Variants in STXBP4 observed in about 807,000 individuals in gnomAD.
STXBP4 encodes syntaxin binding protein 4.
STXBP4 carries 55 observed loss-of-function variants against 76.1 expected under a neutral mutation model. The observed-to-expected ratio is 0.72, with a 90% CI of 0.58 to 0.91. The LOEUF (loss-of-function observed/expected upper bound fraction) is 0.91. STXBP4 is among the 40% of genes least tolerant of loss of function. STXBP4 has a pLI of 0.00. For synonymous variants in STXBP4, 201 were observed against 220.2 expected (o/e 0.91, Z 0.77); for missense variants, 618 against 636.9 (o/e 0.97, Z 0.32).
At chr17:55,069,149 T>C (rs939625099) in intron 12 of STXBP4, among the ~76,000 whole-genome samples, 51 of 145,230 alleles carry the variant, frequency 3.5e-4, no homozygotes, top group Admixed American at 1.0e-3. Flanking sequence ...TTCCTCAGTG[T>C]TGCCAAAAAA....
intron 17 of STXBP4, among the ~76,000 whole-genome samples, chr17:55,144,005 G>GCA (rs61300425): frequency 0.13 from 17,569 of 138,532 alleles, 1,097 homozygotes; most frequent in South Asian, 0.17. Flanking sequence ...AAAGCCACCT[G>GCA]CACACACACA....
chr17:55,081,265 T>C (rs965288804), intron 16 of STXBP4, 82 bp downstream of exon 16: 13 of 1,182,812 alleles, frequency 1.1e-5, no homozygotes, highest in Non-Finnish European at 1.3e-5. Flanking sequence ...AATTTCGTTA[T>C]AGTGGCTTGC....
intron 12 of STXBP4, among the ~76,000 whole-genome samples, chr17:55,057,137 T>TA (rs2078935253): frequency 6.6e-6 from 1 of 152,216 alleles, no homozygotes; most frequent in Admixed American, 6.5e-5. Context: ...CATGCACTGA[T>TA]ATTAGTGAGA....
At chr17:55,036,624 T>C (rs2078608929) in intron 10 of STXBP4, among the ~76,000 whole-genome samples, 1 of 151,904 alleles carries the variant, frequency 6.6e-6, no homozygotes, top group South Asian at 2.1e-4. Flanking sequence ...TATATATTTC[T>C]TTATTTTTGT....
intron 12 of STXBP4, among the ~76,000 whole-genome samples, chr17:55,060,286 G>A (rs1052597314): frequency 1.3e-5 from 2 of 152,044 alleles, no homozygotes; most frequent in Non-Finnish European, 2.9e-5. Context: ...GTTAATGAAA[G>A]AGTTCCTATG....
chr17:55,032,923 C>T (rs2078534574), intron 9 of STXBP4, among the ~76,000 whole-genome samples: 1 of 152,114 alleles, frequency 6.6e-6, no homozygotes, highest in South Asian at 2.1e-4. Flanking sequence ...AATTTCCAAC[C>T]AACTTTTTTA....
intron 16 of STXBP4, among the ~76,000 whole-genome samples, chr17:55,125,848 G>T (rs1296194577): frequency 6.6e-6 from 1 of 152,168 alleles, no homozygotes; most frequent in Non-Finnish European, 1.5e-5. Context: ...TATAGAACTA[G>T]CATATGAAGT....
At chr17:55,071,244 T>C (rs1305156293) in intron 12 of STXBP4, among the ~76,000 whole-genome samples, 1 of 152,092 alleles carries the variant, frequency 6.6e-6, no homozygotes, top group Admixed American at 6.6e-5. Context: ...TTACCCTGAG[T>C]AAAACCAAAG....
chr17:55,002,364 G>A (rs1243514303), intron 7 of STXBP4, among the ~76,000 whole-genome samples: 2 of 152,002 alleles, frequency 1.3e-5, no homozygotes, highest in East Asian at 3.9e-4. Context: ...ACAGTACAAC[G>A]GGAATTATGA....
At chr17:55,062,548 CAT>C (rs150486222) in intron 12 of STXBP4, among the ~76,000 whole-genome samples, 1,847 of 152,178 alleles carry the variant, frequency 0.012, 33 homozygotes, top group African/African-American at 0.042. Flanking sequence ...CTACAATAAA[CAT>C]ATGTGTGCAT....
At chr17:55,205,533 G>T in the STXBP4 span, among the ~76,000 whole-genome samples, 1 of 150,396 alleles carries the variant, frequency 6.6e-6, no homozygotes. Context: ...GACATAAACA[G>T]CAGACAAATG....
rs370602711 is a variant in STXBP4, at chr17:55,015,165, G to A, written c.666+7568G>A. 7.3e-4 allele frequency among the ~76,000 whole-genome samples: 111 copies of A among 152,224 alleles called. No individual in the cohort carries two copies. The East Asian group carries it at 0.018, about 24-fold the overall frequency. On this transcript the variant is annotated intron_variant, in intron 8 of 17. Transcript: ENST00000376352. ...CCTCCCTTAGTCTCTCCAGAAAGGC[G>A]GTAGGATTTTCTTCCTTTCCCTGTG...
chr17:55,101,796 A>AT (rs2079569525), intron 16 of STXBP4, among the ~76,000 whole-genome samples: 1 of 152,122 alleles, frequency 6.6e-6, no homozygotes, highest in Admixed American at 6.5e-5. Context: ...TGATTACTTC[A>AT]TAGTTCTCTT....
intron 1 of STXBP4, among the ~76,000 whole-genome samples, chr17:54,971,582 A>G (rs113414916): frequency 6.6e-6 from 1 of 152,306 alleles, no homozygotes; most frequent in African/African-American, 2.4e-5. Context: ...GGGCTTCAAC[A>G]TATGGATTTT....
chr17:55,130,449 G>A (rs2079962144), intron 16 of STXBP4, among the ~76,000 whole-genome samples: 1 of 152,106 alleles, frequency 6.6e-6, no homozygotes, highest in Non-Finnish European at 1.5e-5. Flanking sequence ...TGATGTTTCA[G>A]TATATACATA....
At chr17:55,212,958 A>T in the STXBP4 span, among the ~76,000 whole-genome samples, 1 of 152,146 alleles carries the variant, frequency 6.6e-6, no homozygotes, top group Non-Finnish European at 1.5e-5. Context: ...GGAAGAGTGT[A>T]GGATGCTTGC....
chr17:55,138,775 A>G (rs1021331235), intron 16 of STXBP4, among the ~76,000 whole-genome samples: 1 of 152,136 alleles, frequency 6.6e-6, no homozygotes, highest in Non-Finnish European at 1.5e-5. Flanking sequence ...TGAAACCTTT[A>G]CTAAGGGAAA....
chr17:55,086,807 G>A (rs866933289), intron 16 of STXBP4, among the ~76,000 whole-genome samples: 1 of 152,116 alleles, frequency 6.6e-6, no homozygotes, highest in African/African-American at 2.4e-5. Context: ...GACTCATATT[G>A]TAGTTCTATT....
chr17:55,068,485 G>C (rs1260612873), intron 12 of STXBP4, among the ~76,000 whole-genome samples: 1 of 152,012 alleles, frequency 6.6e-6, no homozygotes, highest in African/African-American at 2.4e-5. Context: ...CATAACTAGA[G>C]GAAAGGGCTT....
Sources: gnomAD v4.1 joint callset for allele counts (sites outside exome capture counted in the v4.1 genomes callset) on GRCh38, gnomAD v4.1.1 for gene constraint, MANE v1.5 for transcripts, NCBI Gene and HGNC (gene_info 2026-07-23, HGNC 2026-07-21) for gene names.